KIAA1217: variants seen among roughly 807,000 people sequenced by gnomAD.
KIAA1217 encodes KIAA1217.
KIAA1217 carries 88 observed loss-of-function variants against 163.9 expected under a neutral mutation model. The observed-to-expected ratio is 0.54, with a 90% CI of 0.45 to 0.64. The LOEUF (loss-of-function observed/expected upper bound fraction) is 0.64, where lower values mean the gene tolerates loss of function less well. Among genes scored for constraint, KIAA1217 ranks in the 30% least tolerant of loss-of-function variants. The pLI is 0.00. For missense variants in KIAA1217, 2,372 were observed against 2,475.0 expected (o/e 0.96, Z 0.88); for synonymous variants, 903 against 923.1 (o/e 0.98, Z 0.39).
chr10:24,485,671 G>C (rs2065299448), intron 6 of KIAA1217, among the ~76,000 whole-genome samples: 1 of 152,186 alleles, frequency 6.6e-6, no homozygotes, highest in Non-Finnish European at 1.5e-5. Context: ...TGAATTTAAA[G>C]GGATATCATG....
intron 1 of KIAA1217, among the ~76,000 whole-genome samples, chr10:23,825,794 C>G (rs1041613635): frequency 2.0e-5 from 3 of 152,130 alleles, no homozygotes; most frequent in African/African-American, 7.2e-5. Context: ...TTGAGTCATG[C>G]AGACTGAGAT....
At chr10:24,074,735 G>C (rs1162444661) in intron 2 of KIAA1217, among the ~76,000 whole-genome samples, 1 of 105,100 alleles carries the variant, frequency 9.5e-6, no homozygotes, top group Non-Finnish European at 1.8e-5. Flanking sequence ...ATAGAGTCTT[G>C]CTTTGTCACC....
At chr10:24,370,473 AT>A (rs1439559104) in intron 2 of KIAA1217, among the ~76,000 whole-genome samples, 1 of 152,154 alleles carries the variant, frequency 6.6e-6, no homozygotes, top group Non-Finnish European at 1.5e-5. Context: ...GCAAAATCAT[AT>A]TCTTTGTTTC....
intron 2 of KIAA1217, among the ~76,000 whole-genome samples, chr10:24,035,022 T>A (rs1848335691): frequency 6.6e-6 from 1 of 152,182 alleles, no homozygotes; most frequent in Non-Finnish European, 1.5e-5. Flanking sequence ...GAACAGCCAG[T>A]CTGTGTTCAC....
intron 3 of KIAA1217, among the ~76,000 whole-genome samples, chr10:24,393,833 ACT>A (rs1188477008): frequency 6.6e-6 from 1 of 152,072 alleles, no homozygotes; most frequent in Non-Finnish European, 1.5e-5. Flanking sequence ...GATCAAAATA[ACT>A]CTGTTGTTTA....
intron 1 of KIAA1217, among the ~76,000 whole-genome samples, chr10:23,986,464 C>G (rs139707885): frequency 1.3e-5 from 2 of 152,288 alleles, no homozygotes; most frequent in African/African-American, 4.8e-5. Context: ...ATCTGGTATA[C>G]TTTAAATTAT....
At chr10:23,823,149 C>T (rs1457740474) in intron 1 of KIAA1217, among the ~76,000 whole-genome samples, 1 of 152,178 alleles carries the variant, frequency 6.6e-6, no homozygotes, top group African/African-American at 2.4e-5. Flanking sequence ...TCACAAGGCC[C>T]AAGCCAAGGT....
intron 1 of KIAA1217, among the ~76,000 whole-genome samples, chr10:23,990,948 C>T (rs563473712): frequency 1.7e-4 from 26 of 152,148 alleles, no homozygotes; most frequent in South Asian, 4.2e-4. Flanking sequence ...ATTTTATGAG[C>T]GAGGGAATTG....
intron 9 of KIAA1217, among the ~76,000 whole-genome samples, chr10:24,503,351 A>G (rs1013139230): frequency 6.6e-6 from 1 of 152,194 alleles, no homozygotes; most frequent in Admixed American, 6.5e-5. Flanking sequence ...CTCCTAGTGA[A>G]TCTCATCGTC....
chr10:24,005,814 C>T (rs1846968070), intron 1 of KIAA1217, among the ~76,000 whole-genome samples: 1 of 152,076 alleles, frequency 6.6e-6, no homozygotes, highest in Non-Finnish European at 1.5e-5. Context: ...AAGTATTAGA[C>T]AAAACAAGAA....
intron 1 of KIAA1217, among the ~76,000 whole-genome samples, chr10:23,791,508 A>G (rs1226449784): frequency 6.6e-6 from 1 of 152,218 alleles, no homozygotes; most frequent in Non-Finnish European, 1.5e-5. Flanking sequence ...TACCAATATC[A>G]CACCTTAAAA....
intron 1 of KIAA1217, among the ~76,000 whole-genome samples, chr10:23,859,469 C>T (rs753319126): frequency 2.6e-5 from 4 of 152,158 alleles, no homozygotes; most frequent in Non-Finnish European, 5.9e-5. Flanking sequence ...TATTTGGTGT[C>T]ATATTTTGCA....
chr10:24,502,755 G>GGACGAGGCAGGTGGAT (rs2067831947), intron 9 of KIAA1217, among the ~76,000 whole-genome samples: 1 of 152,190 alleles, frequency 6.6e-6, no homozygotes, highest in African/African-American at 2.4e-5. Context: ...CACTTTGGGA[G>GGACGAGGCAGGTGGAT]GACGAGGCAG....
At chr10:24,218,181 T>A (rs947056517) in intron 1 of KIAA1217, among the ~76,000 whole-genome samples, 38 of 152,170 alleles carry the variant, frequency 2.5e-4, no homozygotes, top group Non-Finnish European at 3.8e-4. Context: ...TTGTTTTTTT[T>A]AAAAAAGTAA....
chr10:23,987,632 C>CGT (rs943268727), intron 1 of KIAA1217, among the ~76,000 whole-genome samples: 4 of 93,894 alleles, frequency 4.3e-5, no homozygotes, highest in South Asian at 8.2e-4. Context: ...TGTATGTGTA[C>CGT]GTGTGTGTGT....
chr10:24,237,374 C>T (rs1233408467), intron 2 of KIAA1217, among the ~76,000 whole-genome samples: 2 of 152,240 alleles, frequency 1.3e-5, no homozygotes, highest in African/African-American at 4.8e-5. Context: ...GGGTTTACCT[C>T]TGCCTGTCCA....
At chr10:24,304,291 G>A (rs1006904029) in intron 2 of KIAA1217, among the ~76,000 whole-genome samples, 4 of 139,144 alleles carry the variant, frequency 2.9e-5, no homozygotes, top group Middle Eastern at 3.9e-3. Flanking sequence ...TATATCTTAT[G>A]TTTTCACTTG....
intron 1 of KIAA1217, among the ~76,000 whole-genome samples, chr10:23,943,130 T>A (rs964891801): frequency 2.0e-5 from 3 of 150,910 alleles, no homozygotes; most frequent in Non-Finnish European, 4.4e-5. Context: ...TCTCAAAATT[T>A]AAAAAAAAGA....
At chr10:24,252,239 A>C in intron 2 of KIAA1217, among the ~76,000 whole-genome samples, 1 of 152,184 alleles carries the variant, frequency 6.6e-6, no homozygotes, top group African/African-American at 2.4e-5. Flanking sequence ...ATAATTTTGA[A>C]GATTAAGTAT....
Sources: allele counts gnomAD v4.1 joint callset (sites outside exome capture counted in the v4.1 genomes callset), GRCh38; gene constraint gnomAD v4.1.1; transcripts MANE v1.5; gene names NCBI Gene and HGNC (gene_info 2026-07-23, HGNC 2026-07-21).